The following PEAK1 variants were observed in gnomAD, a reference collection of about 807,000 sequenced individuals.
PEAK1 encodes inactive tyrosine-protein kinase PEAK1.
PEAK1 carries 54 observed loss-of-function variants against 124.7 expected under a neutral mutation model. The observed-to-expected ratio is 0.43, with a 90% CI of 0.35 to 0.54. The LOEUF is 0.54. PEAK1 is among the 20% of genes least tolerant of loss of function. PEAK1 has a pLI of 0.01. For missense variants in PEAK1, 2,046 were observed against 2,134.5 expected (o/e 0.96, Z 0.82); for synonymous variants, 719 against 760.0 (o/e 0.95, Z 0.89).
At chr15:77,285,930 CT>C (rs1393189318) in intron 3 of PEAK1, among the ~76,000 whole-genome samples, 3 of 152,038 alleles carry the variant, frequency 2.0e-5, no homozygotes, top group Non-Finnish European at 2.9e-5. Flanking sequence ...TTCTCTAGTT[CT>C]TTTAATTTCG....
intron 1 of PEAK1, chr15:77,417,766 A>G (rs2073008012): frequency 1.0e-6 from 1 of 985,274 alleles, no homozygotes; most frequent in Admixed American, 6.1e-5. Context: ...CATGAAGCAA[A>G]TGCTAATCTC....
At position 77,190,258 on chromosome 15, in the gene PEAK1, A is replaced by T. The variant is rs970595198; in HGVS notation, c.-114-8218T>A. ...GTACTTCTAAATTAATGAAAGTCTG[A>T]ATTACACAATACTTTGAAGAAGTAT... is the stretch of plus-strand genomic sequence containing the variant. On this transcript the variant is annotated intron_variant, in intron 6 of 9. Transcript: ENST00000682557. 4.6e-5 allele frequency among the ~76,000 whole-genome samples: 7 copies of T among 152,360 alleles called. No individual in the cohort carries two copies. In the East Asian group the frequency reaches 1.3e-3, roughly 29 times the overall value.
chr15:77,189,603 C>T (rs1394380928), intron 6 of PEAK1, among the ~76,000 whole-genome samples: 1 of 152,210 alleles, frequency 6.6e-6, no homozygotes, highest in Admixed American at 6.5e-5. Context: ...CAGGCATAAA[C>T]TTAGCTAGTA....
chr15:77,325,132 C>A (rs778880902), intron 2 of PEAK1, among the ~76,000 whole-genome samples: 2 of 152,166 alleles, frequency 1.3e-5, no homozygotes, highest in Non-Finnish European at 2.9e-5. Flanking sequence ...CAAAACCCTT[C>A]CCTTGGCTGG....
At position 77,349,073 on chromosome 15, in the gene PEAK1, T is replaced by C. The variant is rs1335959414; in HGVS notation, c.-603+16090A>G. ...TTTTTTTTTTGAGGCGGAGTCTCAC[T>C]CTGTCGCCCAGGCTAGAGTGCAGTG... On this transcript the variant is annotated intron_variant, in intron 2 of 9. Coordinates refer to ENST00000682557, the MANE Select transcript of PEAK1 (RefSeq NM_001385026.1). 5 of 838,188 alleles carry C rather than the reference T, an allele frequency of 6.0e-6. No homozygotes were observed. In the South Asian group the frequency reaches 1.7e-4, roughly 28 times the overall value. 51.9% of individuals were successfully genotyped at this position (838,188 alleles called of 1,614,324 possible). A position where few individuals can be genotyped will look rare whatever the true frequency, so the allele number is the denominator to read the frequency against.
At chr15:77,359,296 T>C (rs2067728700) in intron 2 of PEAK1, among the ~76,000 whole-genome samples, 1 of 151,832 alleles carries the variant, frequency 6.6e-6, no homozygotes, top group Non-Finnish European at 1.5e-5. Flanking sequence ...AAAAATAAGC[T>C]GGGTATGGTG....
intron 2 of PEAK1, among the ~76,000 whole-genome samples, chr15:77,363,443 C>G (rs1161028058): frequency 6.6e-6 from 1 of 152,076 alleles, no homozygotes; most frequent in African/African-American, 2.4e-5. Flanking sequence ...AAACACTTTC[C>G]TCCACTCTGA....
At chr15:77,239,703 G>A in intron 6 of PEAK1, 1 of 355,738 alleles carries the variant, frequency 2.8e-6, no homozygotes, top group Non-Finnish European at 3.9e-6. Flanking sequence ...GATGTCACAG[G>A]AGCTGACAAT....
chr15:77,161,409 A>G (rs1412092407), intron 7 of PEAK1, among the ~76,000 whole-genome samples: 1 of 152,238 alleles, frequency 6.6e-6, no homozygotes, highest in Non-Finnish European at 1.5e-5. Context: ...AGCACAGCCT[A>G]TATTCCAGAT....
intron 6 of PEAK1, among the ~76,000 whole-genome samples, chr15:77,207,841 G>A (rs928086095): frequency 2.0e-5 from 3 of 152,102 alleles, no homozygotes; most frequent in Admixed American, 2.0e-4. Flanking sequence ...TATGGACTTC[G>A]GTTGATAAAG....
At chr15:77,245,150 G>C (rs536062265) in intron 6 of PEAK1, among the ~76,000 whole-genome samples, 1 of 152,130 alleles carries the variant, frequency 6.6e-6, no homozygotes, top group Admixed American at 6.5e-5. Context: ...CCTACGTCAA[G>C]GTATAGGCCA....
Position 77,308,249 on chromosome 15 carries a change from C to T in PEAK1, c.-602-21745G>A, listed in dbSNP as rs529350494. Among the ~76,000 whole-genome samples, 6 of 152,130 alleles carry T rather than the reference C, an allele frequency of 3.9e-5. No homozygotes were observed. In the East Asian group the frequency reaches 1.2e-3, roughly 29 times the overall value. The stretch of plus-strand genomic sequence containing the variant: ...ATGTGACTTAATCTCTCTGAGCTTC[C>T]TTCCATGTCTTCATTTGTAAAACTG... On this transcript the variant is annotated intron_variant, in intron 2 of 9. Transcript: ENST00000682557.
At position 77,399,800 on chromosome 15, in the gene PEAK1, A is replaced by C. The variant is rs532325088; in HGVS notation, c.-666+20206T>G. 4.6e-5 allele frequency among the ~76,000 whole-genome samples: 7 copies of C among 152,330 alleles called. No homozygotes were observed. In the East Asian group the frequency reaches 1.3e-3, roughly 29 times the overall value. ...CTCCATAAGCACAGGCAACCAAAGC[A>C]AAAGTGGACAAATGGGATCACATCA... On this transcript the variant is annotated intron_variant, in intron 1 of 9. Transcript: ENST00000682557.
At chr15:77,183,836 C>A (rs2152824429) in intron 6 of PEAK1, among the ~76,000 whole-genome samples, 1 of 151,040 alleles carries the variant, frequency 6.6e-6, no homozygotes, top group East Asian at 1.9e-4. Context: ...GATTTTTGAT[C>A]TTTTTTTTTG....
At chr15:77,418,953 T>G in intron 1 of PEAK1, 1 of 985,372 alleles carries the variant, frequency 1.0e-6, no homozygotes. Flanking sequence ...AAAAATAGTC[T>G]TTTATGTAAG....
At position 77,381,135 on chromosome 15, in the gene PEAK1, T is replaced by C. The variant is rs894739342; in HGVS notation, c.-665-15910A>G. On this transcript the variant is annotated intron_variant, in intron 1 of 9. Coordinates refer to ENST00000682557, the MANE Select transcript of PEAK1 (RefSeq NM_001385026.1). ...AATGCTACTATGGAGTTTTAAATAA[T>C]GGAGTAACATGCTAAAAATCATGTT... is the stretch of plus-strand genomic sequence containing the variant. The C allele has an allele frequency of 3.7e-6, 3 of 808,534 alleles. No individual in the cohort carries two copies. The African/African-American group carries it at 5.6e-5, about 15-fold the overall frequency. 50.1% of individuals were successfully genotyped at this position (808,534 alleles called of 1,614,324 possible).
At chr15:77,185,339 T>C (rs2057488503) in intron 6 of PEAK1, among the ~76,000 whole-genome samples, 1 of 152,130 alleles carries the variant, frequency 6.6e-6, no homozygotes, top group Non-Finnish European at 1.5e-5. Context: ...TATAGAGATA[T>C]TTAGGCCGAA....
At position 77,278,686 on chromosome 15, in the gene PEAK1, T is replaced by C. The variant is rs1463335298; in HGVS notation, c.-275+5197A>G. The C allele has an allele frequency of 1.2e-5, 6 of 520,340 alleles. No individual in the cohort carries two copies. In the East Asian group the frequency reaches 2.1e-4, roughly 18 times the overall value. The allele number at this position is 520,340 out of a possible 1,614,324, so 32.2% of individuals were successfully genotyped here. On this transcript the variant is annotated intron_variant, in intron 5 of 9. Coordinates refer to ENST00000682557, the MANE Select transcript of PEAK1 (RefSeq NM_001385026.1). The stretch of plus-strand genomic sequence containing the variant: ...GGAATAAGCCTGCAGAAAATGGAGA[T>C]GCCAAAACAGACCAGACACAGAAAG...
chr15:77,278,172 A>T (rs1322724697), intron 5 of PEAK1, among the ~76,000 whole-genome samples: 1 of 152,010 alleles, frequency 6.6e-6, no homozygotes, highest in Non-Finnish European at 1.5e-5. Flanking sequence ...AATTGCTCTA[A>T]AAAAATGAAG....
Sources: gnomAD v4.1 joint callset for allele counts (sites outside exome capture counted in the v4.1 genomes callset) on GRCh38, gnomAD v4.1.1 for gene constraint, MANE v1.5 for transcripts, NCBI Gene and HGNC (gene_info 2026-07-23, HGNC 2026-07-21) for gene names.